IFT80: variants seen among roughly 807,000 people sequenced by gnomAD.
IFT80 encodes intraflagellar transport protein 80 homolog.
A neutral mutation model predicts 107.9 loss-of-function variants in IFT80; 79 were observed. That is an observed-to-expected ratio of 0.73 (90% CI 0.61 to 0.88). The LOEUF (loss-of-function observed/expected upper bound fraction) is 0.88. Ranked by LOEUF, IFT80 falls within the 40% of genes least tolerant of loss-of-function variation. The pLI, the probability that IFT80 is intolerant of heterozygous loss-of-function variation, is 0.00. For missense variants in IFT80, 797 were observed against 914.2 expected (o/e 0.87, Z 1.65); for synonymous variants, 299 against 300.9 (o/e 0.99, Z 0.07).
chr3:160,265,510 T>C (rs531658078), intron 19 of IFT80, among the ~76,000 whole-genome samples: 16 of 152,334 alleles, frequency 1.1e-4, no homozygotes, highest in African/African-American at 3.8e-4. Flanking sequence ...ATAATAAATG[T>C]ATTCTTTGAG....
intron 8 of IFT80, among the ~76,000 whole-genome samples, chr3:160,322,052 T>C (rs911175318): frequency 3.3e-5 from 5 of 151,050 alleles, no homozygotes; most frequent in African/African-American, 1.2e-4. Flanking sequence ...ATTATTATTA[T>C]ACTTTAAGTT....
intron 8 of IFT80, among the ~76,000 whole-genome samples, chr3:160,322,003 GTTATTTATTTATTTATTTATTTAT>G (rs145027648): frequency 2.0e-5 from 3 of 146,406 alleles, no homozygotes; most frequent in African/African-American, 7.6e-5. Flanking sequence ...TTGTCAGCTT[GTTATTTATTTATTTATTTATTTAT>G]TTATTTATTT....
chr3:160,385,649 G>A (rs1263066166), intron 1 of IFT80, among the ~76,000 whole-genome samples: 1 of 152,150 alleles, frequency 6.6e-6, no homozygotes, highest in Non-Finnish European at 1.5e-5. Flanking sequence ...CTCTTAAGGT[G>A]ATTTCTGTTG....
At chr3:160,357,193 G>A (rs1721157302) in intron 7 of IFT80, among the ~76,000 whole-genome samples, 1 of 152,090 alleles carries the variant, frequency 6.6e-6, no homozygotes, top group African/African-American at 2.4e-5. Context: ...TCAACCACCT[G>A]TGCTCAAGTG....
chr3:160,362,270 A>T (rs1721546536), intron 6 of IFT80, among the ~76,000 whole-genome samples: 1 of 152,226 alleles, frequency 6.6e-6, no homozygotes, highest in Admixed American at 6.5e-5. Context: ...TAAAATAGAA[A>T]ATCTAGAAGA....
At chr3:160,390,841 G>GT (rs758535873) in intron 1 of IFT80, among the ~76,000 whole-genome samples, 1 of 152,174 alleles carries the variant, frequency 6.6e-6, no homozygotes, top group Non-Finnish European at 1.5e-5. Flanking sequence ...TAGAAATGAG[G>GT]TAAGAGGCAG....
At chr3:160,364,898 T>C (rs1202554078) in intron 6 of IFT80, among the ~76,000 whole-genome samples, 4 of 151,772 alleles carry the variant, frequency 2.6e-5, no homozygotes, top group African/African-American at 9.7e-5. Flanking sequence ...AAATACCTAA[T>C]ATAAATGATG....
chr3:160,359,877 T>C (rs951025493), intron 6 of IFT80, among the ~76,000 whole-genome samples: 1 of 152,130 alleles, frequency 6.6e-6, no homozygotes, highest in East Asian at 1.9e-4. Context: ...CAAAGGTAGA[T>C]AAAACCACAA....
intron 6 of IFT80, among the ~76,000 whole-genome samples, chr3:160,360,881 C>A (rs1721439827): frequency 1.3e-5 from 2 of 152,150 alleles, no homozygotes; most frequent in African/African-American, 4.8e-5. Context: ...AAAGGAACAA[C>A]CAGTACCAGC....
chr3:160,327,491 T>C (rs954451474), intron 8 of IFT80, among the ~76,000 whole-genome samples: 2 of 151,928 alleles, frequency 1.3e-5, no homozygotes, highest in Non-Finnish European at 2.9e-5. Flanking sequence ...CAAAGACCAA[T>C]GGAACAGAAT....
At chr3:160,297,683 T>C (rs1716093115) in intron 12 of IFT80, among the ~76,000 whole-genome samples, 2 of 152,030 alleles carry the variant, frequency 1.3e-5, no homozygotes, top group Non-Finnish European at 2.9e-5. Context: ...AAATGTAAAA[T>C]TTTTGTCTTT....
intron 10 of IFT80, among the ~76,000 whole-genome samples, chr3:160,305,478 T>C (rs1716770730): frequency 6.6e-6 from 1 of 152,160 alleles, no homozygotes; most frequent in Non-Finnish European, 1.5e-5. Flanking sequence ...AATCACAAAA[T>C]ACTTTATTAA....
intron 8 of IFT80, among the ~76,000 whole-genome samples, chr3:160,345,931 G>C (rs1320469665): frequency 6.6e-6 from 1 of 152,134 alleles, no homozygotes; most frequent in East Asian, 1.9e-4. Context: ...ATAAATGCTT[G>C]AGGGAATGGA....
intron 8 of IFT80, among the ~76,000 whole-genome samples, chr3:160,328,064 G>A (rs1000853967): frequency 6.6e-6 from 1 of 152,066 alleles, no homozygotes; most frequent in Admixed American, 6.6e-5. Context: ...GACATATATG[G>A]CCAACAGTCA....
chr3:160,306,992 A>T (rs971353091), intron 10 of IFT80, among the ~76,000 whole-genome samples: 2 of 152,162 alleles, frequency 1.3e-5, no homozygotes, highest in African/African-American at 4.8e-5. Context: ...TAAGGACAAA[A>T]TTTTTAAAAA....
In IFT80 at chr3:160,356,153, A is replaced by C. The variant is rs1270725764; in HGVS notation, c.640-3T>G. 1 of 1,611,146 alleles carries C rather than the reference A, an allele frequency of 6.2e-7. No individual in the cohort carries two copies. The highest frequency in any genetic ancestry group is 1.7e-5 in the Admixed American group (1 of 59,924). ...GGGCGGCCGTAACTATCCCATACCT[A>C]CAAAAGCAATTTTTAAAAATCTTTT... On this transcript the variant is annotated splice_polypyrimidine_tract_variant and splice_region_variant and intron_variant, in intron 7 of 19. Transcript: ENST00000326448.
At chr3:160,277,267 C>A (rs201630879) in intron 18 of IFT80, 39 bp downstream of exon 18, 1 of 1,575,008 alleles carries the variant, frequency 6.3e-7, no homozygotes, top group African/African-American at 1.3e-5. Context: ...ACATTAAGGT[C>A]AAACAGATTT....
intron 8 of IFT80, among the ~76,000 whole-genome samples, chr3:160,338,808 T>C (rs1719675995): frequency 6.6e-6 from 1 of 152,174 alleles, no homozygotes; most frequent in Non-Finnish European, 1.5e-5. Context: ...TGCTCTCCTT[T>C]CTAAATGCTG....
chr3:160,271,941 CA>C (rs10708967), intron 18 of IFT80, among the ~76,000 whole-genome samples: 21,660 of 130,506 alleles, frequency 0.17, 2,009 homozygotes, highest in Non-Finnish European at 0.23. Context: ...GAAGTCTTAT[CA>C]AAAAAAAAAA....
Sources: gnomAD v4.1 joint callset for allele counts (sites outside exome capture counted in the v4.1 genomes callset) on GRCh38, gnomAD v4.1.1 for gene constraint, MANE v1.5 for transcripts, NCBI Gene and HGNC (gene_info 2026-07-23, HGNC 2026-07-21) for gene names.